Variants in WIF1 observed in about 807,000 individuals in gnomAD.
The protein encoded by WIF1 is Wnt inhibitory factor 1.
Under a neutral mutation model 53.5 loss-of-function variants are expected in WIF1, and 35 were observed. The ratio of observed to expected loss-of-function variants is 0.65; its 90% confidence interval spans 0.50 to 0.87. The LOEUF (loss-of-function observed/expected upper bound fraction) is 0.87. WIF1 is among the 40% of genes least tolerant of loss of function. The pLI, the probability that WIF1 is intolerant of heterozygous loss-of-function variation, is 0.00. For synonymous variants in WIF1, 171 were observed against 170.4 expected (o/e 1.00, Z -0.03); for missense variants, 467 against 476.8 (o/e 0.98, Z 0.19).
chr12:65,092,459 C>T (rs1883137445), intron 2 of WIF1, among the ~76,000 whole-genome samples: 2 of 143,788 alleles, frequency 1.4e-5, no homozygotes, highest in East Asian at 2.1e-4. Flanking sequence ...TATATATATA[C>T]ACATGTATAT....
At chr12:65,059,448 C>T (rs917016341) in intron 7 of WIF1, among the ~76,000 whole-genome samples, 1 of 151,982 alleles carries the variant, frequency 6.6e-6, no homozygotes, top group African/African-American at 2.4e-5. Context: ...TTCTAATAAT[C>T]CTTGCATTAG....
At chr12:65,057,990 C>T (rs769007841) in intron 7 of WIF1, among the ~76,000 whole-genome samples, 5 of 152,022 alleles carry the variant, frequency 3.3e-5, no homozygotes, top group African/African-American at 9.7e-5. Context: ...CCTGGAATGC[C>T]GTTAGACACT....
At chr12:65,101,076 G>A (rs1279936370) in intron 2 of WIF1, among the ~76,000 whole-genome samples, 1 of 152,044 alleles carries the variant, frequency 6.6e-6, no homozygotes, top group Non-Finnish European at 1.5e-5. Context: ...TTTTAAGGGT[G>A]TGCTAATTTA....
chr12:65,051,550 A>C, intron 9 of WIF1, 80 bp from the exon 10 acceptor site: 2 of 1,430,888 alleles, frequency 1.4e-6, no homozygotes, highest in Non-Finnish European at 1.8e-6. Context: ...ATTCAAATGA[A>C]ATCCATTTTT....
At chr12:65,094,473 A>C (rs144999032) in intron 2 of WIF1, among the ~76,000 whole-genome samples, 13 of 152,178 alleles carry the variant, frequency 8.5e-5, no homozygotes, top group African/African-American at 1.4e-4. Context: ...CCTCTTTCTC[A>C]TTAAATGAAA....
chr12:65,076,896 CA>C (rs532201144), intron 3 of WIF1, among the ~76,000 whole-genome samples: 8,304 of 131,698 alleles, frequency 0.063, 504 homozygotes, highest in African/African-American at 0.17. Flanking sequence ...AGGTTAAAAG[CA>C]AAAAAAAAAA....
At chr12:65,073,374 T>C (rs140029201) in intron 3 of WIF1, among the ~76,000 whole-genome samples, 10 of 152,288 alleles carry the variant, frequency 6.6e-5, no homozygotes, top group African/African-American at 9.6e-5. Flanking sequence ...AAAGTCCTAG[T>C]TGAGAAACAC....
chr12:65,112,704 G>C (rs1883452103), intron 2 of WIF1, among the ~76,000 whole-genome samples: 1 of 151,872 alleles, frequency 6.6e-6, no homozygotes, highest in South Asian at 2.1e-4. Context: ...CCCTTCACTG[G>C]GCTTCCATTA....
intron 2 of WIF1, among the ~76,000 whole-genome samples, chr12:65,092,576 C>T (rs1254930845): frequency 1.3e-5 from 2 of 151,390 alleles, no homozygotes; most frequent in African/African-American, 4.9e-5. Context: ...GACTGCTGGG[C>T]TGGGATGTTT....
chr12:65,067,307 C>G (rs973599514), intron 5 of WIF1, among the ~76,000 whole-genome samples: 8 of 152,056 alleles, frequency 5.3e-5, no homozygotes, highest in African/African-American at 1.9e-4. Flanking sequence ...AATTGATGTA[C>G]TTACTACACA....
At chr12:65,106,693 C>G (rs146746015) in intron 2 of WIF1, among the ~76,000 whole-genome samples, 1 of 152,212 alleles carries the variant, frequency 6.6e-6, no homozygotes, top group Non-Finnish European at 1.5e-5. Flanking sequence ...TGCCACTGGG[C>G]ATGTTCAACC....
At chr12:65,057,435 C>T (rs1475860071) in intron 7 of WIF1, among the ~76,000 whole-genome samples, 1 of 152,158 alleles carries the variant, frequency 6.6e-6, no homozygotes, top group Non-Finnish European at 1.5e-5. Context: ...CTTCTTTCTC[C>T]AGAGGCTATT....
chr12:65,108,847 A>G (rs1301601880), intron 2 of WIF1, among the ~76,000 whole-genome samples: 1 of 152,188 alleles, frequency 6.6e-6, no homozygotes, highest in Non-Finnish European at 1.5e-5. Flanking sequence ...ATATTCTGAA[A>G]TGCTAACTTG....
chr12:65,116,932 CAAAAAAAAAA>C (rs35417909), intron 2 of WIF1, among the ~76,000 whole-genome samples: 23 of 64,752 alleles, frequency 3.6e-4, no homozygotes, highest in African/African-American at 8.8e-4. Flanking sequence ...GACTCTGTCT[CAAAAAAAAAA>C]AAAAAAAAAA....
intron 2 of WIF1, among the ~76,000 whole-genome samples, chr12:65,089,412 A>G (rs182548733): frequency 2.6e-3 from 395 of 152,258 alleles, no homozygotes; most frequent in African/African-American, 9.0e-3. Context: ...CCTCCCTGGT[A>G]ACTCATGCGC....
At chr12:65,091,660 T>C (rs1001178023) in intron 2 of WIF1, among the ~76,000 whole-genome samples, 10 of 152,208 alleles carry the variant, frequency 6.6e-5, no homozygotes, top group African/African-American at 2.2e-4. Context: ...TTGATTTTCA[T>C]AGGTCTTGCC....
rs751879347 is a variant in WIF1, at chr12:65,067,721, C to T, written c.608G>A (p.Gly203Glu). ...TTTCTCACAGTGAGGTCCGTGGAAC[C>T]CATCAGGACACTCGCAGATGCGTCT... ...NERRICECPD[G>E]FHGPHCEKAL... Residue 203 changes from glycine (G) to glutamate (E), a missense_variant, in exon 5 of 10, where the codon GGG (glycine) becomes GAG (glutamate). Gly to Glu is a moderately conservative substitution (Grantham distance 98, BLOSUM62 -2). Transcript: ENST00000286574. The T allele has an allele frequency of 6.2e-7, 1 of 1,613,296 alleles. No homozygotes were observed. The highest frequency in any genetic ancestry group is 2.2e-5 in the East Asian group (1 of 44,866).
intron 5 of WIF1, among the ~76,000 whole-genome samples, chr12:65,067,313 A>G (rs1243411863): frequency 2.0e-5 from 3 of 152,066 alleles, no homozygotes; most frequent in Non-Finnish European, 2.9e-5. Context: ...TGTACTTACT[A>G]CACAAATTCA....
intron 7 of WIF1, among the ~76,000 whole-genome samples, chr12:65,056,929 C>T (rs1012619131): frequency 2.0e-5 from 3 of 152,192 alleles, no homozygotes; most frequent in Non-Finnish European, 2.9e-5. Flanking sequence ...GGATTACAGG[C>T]ATGAGCCACT....
Sources: gnomAD v4.1 joint callset for allele counts (sites outside exome capture counted in the v4.1 genomes callset) on GRCh38, gnomAD v4.1.1 for gene constraint, MANE v1.5 for transcripts, NCBI Gene and HGNC (gene_info 2026-07-23, HGNC 2026-07-21) for gene names.